CELF2: variants seen among roughly 807,000 people sequenced by gnomAD.
CELF2 encodes CUGBP Elav-like family member 2, also known as CUG triplet repeat RNA-binding protein 2.
Under a neutral mutation model 62.6 loss-of-function variants are expected in CELF2, and 8 were observed. That is an observed-to-expected ratio of 0.13 (90% CI 0.07 to 0.23). CELF2 has a LOEUF of 0.23. Ranked by LOEUF, CELF2 falls within the 10% of genes least tolerant of loss-of-function variation. The pLI is 1.00. For synonymous variants in CELF2, 258 were observed against 250.0 expected (o/e 1.03, Z -0.30); for missense variants, 333 against 671.0 (o/e 0.50, Z 5.56).
chr10:10,694,618 A>T, the CELF2 span, among the ~76,000 whole-genome samples: 1 of 151,826 alleles, frequency 6.6e-6, no homozygotes, highest in Non-Finnish European at 1.5e-5. Context: ...GGGGTGTTAA[A>T]GTCTCCCATT....
the CELF2 span, among the ~76,000 whole-genome samples, chr10:10,686,080 A>G: frequency 6.6e-6 from 1 of 152,100 alleles, no homozygotes; most frequent in African/African-American, 2.4e-5. Context: ...CATTTTATTT[A>G]CAATTCAACA....
Position 11,319,087 on chromosome 10 carries a change from A to G in CELF2, c.1097-2102A>G, listed in dbSNP as rs1412060719. 6 of 470,276 alleles carry G rather than the reference A, an allele frequency of 1.3e-5. No individual in the cohort carries two copies. Among genetic ancestry groups the G allele is most frequent in the South Asian group, 9.3e-5 (6 of 64,566 alleles). 29.1% of individuals were successfully genotyped at this position (470,276 alleles called of 1,614,324 possible). On this transcript the variant is annotated intron_variant, in intron 10 of 12. Transcript: ENST00000633077. This position sits in a 1 kb window ranked among gnomAD's most constrained non-coding sequence, Gnocchi z 4.4. ...CACACCCAGAACCTCATGCCTTGAG[A>G]TCCAAGCAGAGCGGCGAGTCGCCGC...
Position 11,165,277 on chromosome 10 carries a change from C to T in CELF2, c.75-209C>T. The T allele has an allele frequency of 1.4e-6, 2 of 1,390,712 alleles. No individual in the cohort carries two copies. 86.1% of individuals were successfully genotyped at this position (1,390,712 alleles called of 1,614,324 possible). ...CTCCCCCGGCTCTGCTCGACAGCAG[C>T]ACGCAGTGAGAGCCTCGCCGCCGCC... On this transcript the variant is annotated intron_variant, in intron 1 of 12. Coordinates refer to ENST00000633077, the MANE Select transcript of CELF2 (RefSeq NM_001326342.2). The surrounding 1 kb of genome is among the most constrained non-coding windows in gnomAD (Gnocchi z 7.4).
intron 2 of CELF2, among the ~76,000 whole-genome samples, chr10:11,208,173 C>G (rs1316169627): frequency 6.6e-6 from 1 of 152,070 alleles, no homozygotes; most frequent in East Asian, 1.9e-4. Context: ...GTTTTCCCAT[C>G]TGTAAAATGG....
chr10:11,125,755 C>T (rs1410149111), intron 1 of CELF2, among the ~76,000 whole-genome samples: 1 of 152,060 alleles, frequency 6.6e-6, no homozygotes, highest in African/African-American at 2.4e-5. Context: ...CCTACTGCCC[C>T]CATTAAAGTG....
chr10:10,903,345 A>T (rs2063087007), intron 1 of CELF2, among the ~76,000 whole-genome samples: 1 of 152,190 alleles, frequency 6.6e-6, no homozygotes, highest in Non-Finnish European at 1.5e-5. Context: ...CTCAGGCCAC[A>T]TTTGTCTTCT....
the CELF2 span, among the ~76,000 whole-genome samples, chr10:10,567,447 A>G: frequency 7.2e-5 from 11 of 152,124 alleles, no homozygotes; most frequent in African/African-American, 2.4e-4. Flanking sequence ...TGCTCTTGGA[A>G]TCAATACCCA....
the CELF2 span, among the ~76,000 whole-genome samples, chr10:10,530,909 A>C: frequency 6.6e-6 from 1 of 152,316 alleles, no homozygotes; most frequent in East Asian, 1.9e-4. Flanking sequence ...ATAGGCGTAA[A>C]CCAGAGGGTG....
the CELF2 span, among the ~76,000 whole-genome samples, chr10:10,525,420 A>G: frequency 6.6e-6 from 1 of 152,230 alleles, no homozygotes; most frequent in African/African-American, 2.4e-5. Context: ...GTGTTGCCCC[A>G]GGCAATTCTT....
chr10:10,658,325 C>G, the CELF2 span, among the ~76,000 whole-genome samples: 3 of 152,172 alleles, frequency 2.0e-5, no homozygotes, highest in Non-Finnish European at 4.4e-5. Context: ...TGTGCAATCA[C>G]TTCATCATTT....
At chr10:11,092,966 A>T (rs2048734636) in intron 1 of CELF2, among the ~76,000 whole-genome samples, 1 of 152,176 alleles carries the variant, frequency 6.6e-6, no homozygotes, top group South Asian at 2.1e-4. Context: ...CTGTTGGGAG[A>T]TGCCTTTCCT....
chr10:10,722,488 T>C, the CELF2 span, among the ~76,000 whole-genome samples: 2 of 148,992 alleles, frequency 1.3e-5, no homozygotes, highest in South Asian at 2.3e-4. Context: ...ATAAGGGCAG[T>C]CTCCTTAAAG....
At chr10:10,601,657 A>G in the CELF2 span, among the ~76,000 whole-genome samples, 1 of 152,150 alleles carries the variant, frequency 6.6e-6, no homozygotes, top group African/African-American at 2.4e-5. Context: ...AAAACAAACA[A>G]AAAACAAACT....
the CELF2 span, among the ~76,000 whole-genome samples, chr10:10,635,939 A>G: frequency 1.4e-4 from 21 of 152,314 alleles, no homozygotes; most frequent in African/African-American, 5.1e-4. Flanking sequence ...CCTGTTACCC[A>G]TTTACAAAAG....
the CELF2 span, among the ~76,000 whole-genome samples, chr10:10,528,938 T>C: frequency 6.6e-6 from 1 of 152,230 alleles, no homozygotes; most frequent in Admixed American, 6.5e-5. Context: ...GAAGAATTGA[T>C]TTTTATTTCC....
At chr10:11,182,820 C>T (rs1199048726) in intron 2 of CELF2, among the ~76,000 whole-genome samples, 4 of 152,152 alleles carry the variant, frequency 2.6e-5, no homozygotes, top group South Asian at 2.1e-4. Context: ...CTCAGAAGCT[C>T]GGCATTATTC....
At chr10:10,735,934 C>T in the CELF2 span, among the ~76,000 whole-genome samples, 2 of 152,268 alleles carry the variant, frequency 1.3e-5, no homozygotes, top group East Asian at 3.9e-4. Context: ...AATTCAGGAA[C>T]ACTCAATATA....
intron 3 of CELF2, 55 bp from the exon 4 acceptor site, chr10:11,249,098 G>A: frequency 8.5e-6 from 12 of 1,410,242 alleles, no homozygotes; most frequent in Non-Finnish European, 1.2e-5. Context: ...AGATTTCTGA[G>A]ATGATTTTTA....
At chr10:10,675,768 C>G in the CELF2 span, among the ~76,000 whole-genome samples, 7 of 152,164 alleles carry the variant, frequency 4.6e-5, no homozygotes, top group Non-Finnish European at 8.8e-5. Context: ...GGCATTCTTC[C>G]ATTTCTGTTA....
Sources: allele counts gnomAD v4.1 joint callset (sites outside exome capture counted in the v4.1 genomes callset), GRCh38; gene constraint gnomAD v4.1.1; non-coding constraint Gnocchi (gnomAD v3.1); transcripts MANE v1.5; gene names NCBI Gene and HGNC (gene_info 2026-07-23, HGNC 2026-07-21).